Variants in PRMT8 observed in about 807,000 individuals in gnomAD.
The protein encoded by PRMT8 is protein arginine methyltransferase 8, also known as protein arginine N-methyltransferase 8.
PRMT8 carries 7 observed loss-of-function variants against 47.1 expected under a neutral mutation model. That is an observed-to-expected ratio of 0.15 (90% confidence interval 0.08 to 0.28). The LOEUF (loss-of-function observed/expected upper bound fraction) is 0.28, where lower values mean the gene tolerates loss of function less well. Ranked by LOEUF, PRMT8 falls within the 10% of genes least tolerant of loss-of-function variation. The pLI, the probability that PRMT8 is intolerant of heterozygous loss-of-function variation, is 1.00. For synonymous variants in PRMT8, 188 were observed against 186.5 expected, an observed-to-expected ratio of 1.01 and a Z score of -0.07; for missense variants, 237 against 505.4, an observed-to-expected ratio of 0.47 and a Z score of 5.09.
intron 8 of PRMT8, among the ~76,000 whole-genome samples, chr12:3,589,949 C>T (rs931024967): frequency 3.3e-5 from 5 of 152,094 alleles, no homozygotes; most frequent in African/African-American, 7.2e-5. Context: ...GAAGTGGGGG[C>T]GAGAGTGCTG....
chr12:3,401,147 CAA>C (rs34492092), intron 1 of PRMT8, among the ~76,000 whole-genome samples: 48 of 46,024 alleles, frequency 1.0e-3, no homozygotes, highest in South Asian at 0.01. Context: ...AACTCCATCT[CAA>C]AAAAAAAAAA....
intron 1 of PRMT8, among the ~76,000 whole-genome samples, chr12:3,505,711 C>G (rs1865613474): frequency 1.3e-5 from 2 of 152,188 alleles, no homozygotes; most frequent in African/African-American, 2.4e-5. Context: ...CTGGAATGCT[C>G]TCTGCTGTTG....
chr12:3,441,878 TA>T (rs1256149518), intron 1 of PRMT8, among the ~76,000 whole-genome samples: 1 of 152,240 alleles, frequency 6.6e-6, no homozygotes, highest in African/African-American at 2.4e-5. Context: ...TCATTTTCTG[TA>T]ATGACATTTC....
chr12:3,580,217 G>A lies in PRMT8; in HGVS notation c.829-2841G>A, dbSNP rs535054280. ...CAGAGGCCTCTATTAAGATGCAAAT[G>A]TCTCAGGGATCTATTGAAAGCTGTC... On this transcript the variant is annotated intron_variant, in intron 7 of 9. Coordinates refer to ENST00000382622, the MANE Select transcript of PRMT8 (RefSeq NM_019854.5). This position sits in a 1 kb window ranked among gnomAD's most constrained non-coding sequence, Gnocchi z 4.6. Among the ~76,000 whole-genome samples the A allele has an allele frequency of 1.6e-4, 24 of 152,292 alleles. No individual in the cohort carries two copies. The highest frequency in any genetic ancestry group is 3.4e-3 in the Middle Eastern group (1 of 294).
intron 1 of PRMT8, among the ~76,000 whole-genome samples, chr12:3,426,335 T>C (rs1864604346): frequency 6.6e-6 from 1 of 152,258 alleles, no homozygotes; most frequent in South Asian, 2.1e-4. Context: ...GATCCTCTAG[T>C]AAAATGAATG....
chr12:3,440,043 G>A (rs551903919), intron 1 of PRMT8, among the ~76,000 whole-genome samples: 1 of 152,298 alleles, frequency 6.6e-6, no homozygotes, highest in African/African-American at 2.4e-5. Flanking sequence ...ACTTCTCTGT[G>A]CGTCATCTTT....
chr12:3,546,041 A>T (rs1866323632), intron 2 of PRMT8, among the ~76,000 whole-genome samples: 1 of 152,244 alleles, frequency 6.6e-6, no homozygotes, highest in Non-Finnish European at 1.5e-5. Context: ...AGAACAATAA[A>T]CTATCCAGAA....
At position 3,593,743 on chromosome 12, in the gene PRMT8, C is replaced by T. The variant is rs964524603; in HGVS notation, c.*561C>T. 5.8e-5 allele frequency: 9 copies of T among 155,230 alleles called. No individual in the cohort carries two copies. The highest frequency in any genetic ancestry group is 1.2e-4 in the African/African-American group (5 of 41,282). 9.6% of individuals were successfully genotyped at this position (155,230 alleles called of 1,614,324 possible). A position where few individuals can be genotyped will look rare whatever the true frequency, so the allele number is the denominator to read the frequency against. The stretch of plus-strand genomic sequence containing the variant: ...TCTCAGAGGGGTGTGTGTGTGTGTG[C>T]GTGCGCGTGTGCCTAGAATATATAT... On this transcript the variant is annotated 3_prime_UTR_variant, in exon 10 of 10. Coordinates refer to ENST00000382622, the MANE Select transcript of PRMT8 (RefSeq NM_019854.5). This position sits in a 1 kb window ranked among gnomAD's most constrained non-coding sequence, Gnocchi z 4.8.
chr12:3,461,008 A>G (rs1865034888), intron 1 of PRMT8, among the ~76,000 whole-genome samples: 1 of 152,170 alleles, frequency 6.6e-6, no homozygotes, highest in Admixed American at 6.5e-5. Context: ...TTTTTCCAGT[A>G]GGTGTGGCCT....
At chr12:3,426,913 T>C (rs1864611730) in intron 1 of PRMT8, among the ~76,000 whole-genome samples, 1 of 152,076 alleles carries the variant, frequency 6.6e-6, no homozygotes, top group Non-Finnish European at 1.5e-5. Flanking sequence ...GTTTTCCTTC[T>C]TTCCACCCTT....
At position 3,557,153 on chromosome 12, in the gene PRMT8, G is replaced by A. The variant is rs749460558; in HGVS notation, c.481+3439G>A. Among the ~76,000 whole-genome samples, 2 of 152,156 alleles carry A rather than the reference G, an allele frequency of 1.3e-5. No homozygotes were observed. The highest frequency in any genetic ancestry group is 1.5e-5 in the Non-Finnish European group (1 of 68,022). On this transcript the variant is annotated intron_variant, in intron 4 of 9. Transcript: ENST00000382622. The surrounding 1 kb of genome is among the most constrained non-coding windows in gnomAD (Gnocchi z 4.7). ...AGGCTGGGGGAGTGAGGATTGCTGCGATGTGTCTGATGCCTGTAGAGATGT... is the reference window on the plus strand; with the variant it reads ...AGGCTGGGGGAGTGAGGATTGCTGCAATGTGTCTGATGCCTGTAGAGATGT...
chr12:3,449,867 C>T (rs1864899973), intron 1 of PRMT8, among the ~76,000 whole-genome samples: 1 of 152,124 alleles, frequency 6.6e-6, no homozygotes, highest in African/African-American at 2.4e-5. Context: ...TTGGGTTTTA[C>T]ATTTAAGTGT....
chr12:3,435,335 C>G (rs79543661), intron 1 of PRMT8, among the ~76,000 whole-genome samples: 9,040 of 152,126 alleles, frequency 0.059, 392 homozygotes, highest in Non-Finnish European at 0.095. Flanking sequence ...CTAGTCTTGG[C>G]TCTGCCTGTT....
At chr12:3,469,642 T>A (rs1865138616) in intron 1 of PRMT8, among the ~76,000 whole-genome samples, 1 of 151,960 alleles carries the variant, frequency 6.6e-6, no homozygotes, top group Non-Finnish European at 1.5e-5. Flanking sequence ...AATGAGATAG[T>A]GGTAATGGAT....
chr12:3,551,638 G>C (rs1371351293), intron 3 of PRMT8: 1 of 152,272 alleles, frequency 6.6e-6, no homozygotes, highest in Non-Finnish European at 1.5e-5. Context: ...GGCGCGATCT[G>C]TCTGCCTCCC....
intron 1 of PRMT8, among the ~76,000 whole-genome samples, chr12:3,478,266 A>ATCTG (rs1865236131): frequency 9.9e-6 from 1 of 100,980 alleles, no homozygotes; most frequent in Non-Finnish European, 2.1e-5. Flanking sequence ...CCTATCATCT[A>ATCTG]TCTATCTATC....
chr12:3,428,302 G>A (rs1864629191), intron 1 of PRMT8, among the ~76,000 whole-genome samples: 1 of 151,158 alleles, frequency 6.6e-6, no homozygotes, highest in South Asian at 2.1e-4. Context: ...AAGTTAGTAA[G>A]CTACCTTTTG....
intron 4 of PRMT8, among the ~76,000 whole-genome samples, chr12:3,558,984 ATCTATCTG>A (rs1476706719): frequency 1.3e-3 from 197 of 151,762 alleles, no homozygotes; most frequent in Middle Eastern, 3.4e-3. Context: ...CTATCTATCT[ATCTATCTG>A]TCTATCTATC....
At chr12:3,553,490 G>C in intron 3 of PRMT8, 161 bp from the exon 4 acceptor site, 2 of 653,490 alleles carry the variant, frequency 3.1e-6, no homozygotes, top group Non-Finnish European at 2.7e-6. Context: ...CTTGAGGTGG[G>C]GGGGCTGGGT....
Sources: allele counts gnomAD v4.1 joint callset (sites outside exome capture counted in the v4.1 genomes callset), GRCh38; gene constraint gnomAD v4.1.1; non-coding constraint Gnocchi (gnomAD v3.1); transcripts MANE v1.5; gene names NCBI Gene and HGNC (gene_info 2026-07-23, HGNC 2026-07-21).